SEM1: variants seen among roughly 807,000 people sequenced by gnomAD.
The protein encoded by SEM1 is 26S proteasome complex subunit SEM1.
In SEM1, 3 loss-of-function variants were observed where a neutral mutation model predicts 12.7. That is an observed-to-expected ratio of 0.24 (90% CI 0.11 to 0.61). The LOEUF is 0.61. Among genes scored for constraint, SEM1 ranks in the 20% least tolerant of loss-of-function variants. The pLI is 0.88. For missense variants in SEM1, 59 were observed against 81.3 expected, an observed-to-expected ratio of 0.73 and a Z score of 1.06; for synonymous variants, 30 against 27.8, an observed-to-expected ratio of 1.08 and a Z score of -0.25.
chr7:96,678,930 G>T (rs1344758729), intron 2 of SEM1, among the ~76,000 whole-genome samples: 1 of 152,014 alleles, frequency 6.6e-6, no homozygotes, highest in Admixed American at 6.6e-5. Flanking sequence ...AATAGTCTTG[G>T]TCTAGTCCCT....
intron 2 of SEM1, among the ~76,000 whole-genome samples, chr7:96,605,387 A>G (rs1268435367): frequency 6.6e-6 from 1 of 152,220 alleles, no homozygotes; most frequent in Non-Finnish European, 1.5e-5. Flanking sequence ...ATATAAAAGC[A>G]TAGATTTTCA....
chr7:96,703,588 C>A (rs1476324222), intron 1 of SEM1, among the ~76,000 whole-genome samples: 1 of 151,456 alleles, frequency 6.6e-6, no homozygotes, highest in Non-Finnish European at 1.5e-5. Context: ...AGAAAAAAAA[C>A]AACAAAACCC....
intron 2 of SEM1, among the ~76,000 whole-genome samples, chr7:96,521,297 C>A (rs1045941042): frequency 6.6e-6 from 1 of 152,058 alleles, no homozygotes; most frequent in Non-Finnish European, 1.5e-5. Flanking sequence ...GTGCCTCTGG[C>A]ATATCGTGTT....
chr7:96,551,705 C>CAAAAAAAAAAAAAA (rs56316029), intron 2 of SEM1, among the ~76,000 whole-genome samples: 3 of 84,074 alleles, frequency 3.6e-5, no homozygotes, highest in Non-Finnish European at 7.1e-5. Context: ...GACTCTGTCT[C>CAAAAAAAAAAAAAA]AAAAAAAAAA....
At chr7:96,535,346 C>CTTTGTGTTT (rs1418907235) in intron 2 of SEM1, among the ~76,000 whole-genome samples, 1 of 151,782 alleles carries the variant, frequency 6.6e-6, no homozygotes, top group Non-Finnish European at 1.5e-5. Context: ...ATATGGTTAA[C>CTTTGTGTTT]TTTGTGTTTT....
chr7:96,561,201 TA>T (rs1805682325), intron 2 of SEM1, among the ~76,000 whole-genome samples: 1 of 152,214 alleles, frequency 6.6e-6, no homozygotes, highest in South Asian at 2.1e-4. Flanking sequence ...TATTTCAAGA[TA>T]ATTAGAATAA....
intron 1 of SEM1, chr7:96,496,268 C>T: frequency 6.8e-7 from 1 of 1,466,938 alleles, no homozygotes; most frequent in South Asian, 1.2e-5. Context: ...TTGATATAAT[C>T]CATATCAGTT....
In SEM1 at chr7:96,486,411, T is replaced by C. The variant is rs180971835; in HGVS notation, c.19A>G (p.Asn7Asp). 4.8e-4 allele frequency: 745 copies of C among 1,536,916 alleles called. 2 individuals are homozygous for C. The African/African-American group carries it at 9.2e-3, about 19-fold the overall frequency. The change falls in exon 2 of 4, where the codon AAC becomes GAC. Residue 7 changes from asparagine (N) to aspartate (D), a missense_variant. Asn to Asp is a conservative substitution (Grantham distance 23, BLOSUM62 1). Coordinates refer to the SEM1 transcript ENST00000356686. ...TGTACAGCAAACACAGCACAAATGTTGGAGTCCTATAAGGGAAGTTGAAGG... is the reference window on the plus strand; with the variant it reads ...TGTACAGCAAACACAGCACAAATGTCGGAGTCCTATAAGGGAAGTTGAAGG...
At chr7:96,543,515 T>C (rs926696434) in intron 2 of SEM1, among the ~76,000 whole-genome samples, 1 of 151,940 alleles carries the variant, frequency 6.6e-6, no homozygotes. Context: ...AAAATAAATA[T>C]ATATTTTTTA....
intron 2 of SEM1, among the ~76,000 whole-genome samples, chr7:96,643,097 C>T (rs1179554549): frequency 6.6e-6 from 1 of 152,044 alleles, no homozygotes; most frequent in Admixed American, 6.6e-5. Flanking sequence ...TACTCTCTCT[C>T]CTCCCACCAT....
intron 2 of SEM1, among the ~76,000 whole-genome samples, chr7:96,528,908 A>G (rs1347337980): frequency 6.6e-6 from 1 of 152,154 alleles, no homozygotes; most frequent in East Asian, 1.9e-4. Context: ...TGATAACCTT[A>G]GATATTGTAT....
At position 96,550,155 on chromosome 7, in the gene SEM1, G is replaced by A. The variant is rs566051265; in HGVS notation, c.171-43457C>T. On this transcript the variant is annotated intron_variant and NMD_transcript_variant, in intron 2 of 3. Coordinates refer to the SEM1 transcript ENST00000466986. ...GTTTGAGAAATAGTGAGGGAAAGTC[G>A]TTTAGTACAACTGTTCTATTACAAC... 1.4e-3 allele frequency among the ~76,000 whole-genome samples: 218 copies of A among 152,112 alleles called. 1 individual carries two copies. Among genetic ancestry groups the A allele is most frequent in the Middle Eastern group, 6.8e-3 (2 of 294 alleles).
chr7:96,576,552 C>T (rs1563068282), intron 2 of SEM1, among the ~76,000 whole-genome samples: 2 of 152,074 alleles, frequency 1.3e-5, no homozygotes, highest in Non-Finnish European at 1.5e-5. Flanking sequence ...GTTTACAATG[C>T]TTACCTTTAT....
chr7:96,638,781 T>G (rs942554100), intron 2 of SEM1, among the ~76,000 whole-genome samples: 11 of 152,042 alleles, frequency 7.2e-5, no homozygotes, highest in South Asian at 6.2e-4. Flanking sequence ...TTTTCATTAC[T>G]ATTGAGATGT....
At chr7:96,569,605 G>A (rs995205443) in intron 2 of SEM1, among the ~76,000 whole-genome samples, 1 of 151,968 alleles carries the variant, frequency 6.6e-6, no homozygotes, top group South Asian at 2.1e-4. Flanking sequence ...TTACATGTAT[G>A]TATTGCCTAA....
At chr7:96,588,418 GA>G (rs1806725361) in intron 2 of SEM1, among the ~76,000 whole-genome samples, 1 of 149,964 alleles carries the variant, frequency 6.7e-6, no homozygotes, top group Non-Finnish European at 1.5e-5. Flanking sequence ...GAGAGAGAGA[GA>G]AGAAAGGTAT....
intron 2 of SEM1, among the ~76,000 whole-genome samples, chr7:96,549,070 G>C (rs1470024491): frequency 1.3e-5 from 2 of 152,136 alleles, no homozygotes; most frequent in Non-Finnish European, 2.9e-5. Context: ...CAAGTGGCAG[G>C]GTTATGAGTC....
intron 2 of SEM1, among the ~76,000 whole-genome samples, chr7:96,657,998 G>A (rs1184671819): frequency 6.6e-6 from 1 of 152,200 alleles, no homozygotes; most frequent in African/African-American, 2.4e-5. Flanking sequence ...TCATGAACGA[G>A]TCCAGGGGAT....
At chr7:96,615,239 ATC>A (rs1242850905) in intron 2 of SEM1, among the ~76,000 whole-genome samples, 4 of 98,178 alleles carry the variant, frequency 4.1e-5, no homozygotes, top group Admixed American at 1.3e-4. Context: ...TTTTTGAGTC[ATC>A]TTTTTTTTTT....
Sources: gnomAD v4.1 joint callset for allele counts (sites outside exome capture counted in the v4.1 genomes callset) on GRCh38, gnomAD v4.1.1 for gene constraint, MANE v1.5 for transcripts, NCBI Gene and HGNC (gene_info 2026-07-23, HGNC 2026-07-21) for gene names.